The following GRXCR1 variants were observed in gnomAD, a reference collection of about 807,000 sequenced individuals.
The protein encoded by GRXCR1 is glutaredoxin and cysteine rich domain containing 1.
In GRXCR1, 27 loss-of-function variants were observed where a neutral mutation model predicts 27.3. The ratio of observed to expected loss-of-function variants is 0.99; its 90% CI spans 0.73 to 1.37. The LOEUF (loss-of-function observed/expected upper bound fraction) is 1.37. GRXCR1 is among the 40% of genes most tolerant of loss of function. The pLI is 0.00. For synonymous variants in GRXCR1, 122 were observed against 131.1 expected (o/e 0.93, Z 0.47); for missense variants, 379 against 354.4 (o/e 1.07, Z -0.56).
intron 2 of GRXCR1, among the ~76,000 whole-genome samples, chr4:42,997,735 A>G (rs1265624554): frequency 6.6e-6 from 1 of 152,134 alleles, no homozygotes; most frequent in East Asian, 1.9e-4. Flanking sequence ...AAGTTATTTA[A>G]AGCAGCCAAT....
intron 1 of GRXCR1, among the ~76,000 whole-genome samples, chr4:42,940,261 A>G (rs1217618838): frequency 6.6e-6 from 1 of 152,028 alleles, no homozygotes; most frequent in Non-Finnish European, 1.5e-5. Flanking sequence ...AGCTTATCAA[A>G]ATTACCATGT....
At chr4:42,987,248 A>ATATATAATATAT (rs370379241) in intron 2 of GRXCR1, among the ~76,000 whole-genome samples, 19 of 67,532 alleles carry the variant, frequency 2.8e-4, no homozygotes, top group African/African-American at 1.0e-3. Context: ...TATAATATAT[A>ATATATAATATAT]ATATATATAT....
intron 1 of GRXCR1, among the ~76,000 whole-genome samples, chr4:42,896,919 A>G (rs1746358907): frequency 1.3e-5 from 2 of 152,078 alleles, no homozygotes; most frequent in Admixed American, 1.3e-4. Flanking sequence ...GAATATTCAA[A>G]TTTATCAGTT....
intron 1 of GRXCR1, among the ~76,000 whole-genome samples, chr4:42,919,467 TA>T (rs1287829100): frequency 2.0e-5 from 3 of 152,182 alleles, no homozygotes; most frequent in Non-Finnish European, 4.4e-5. Flanking sequence ...ACTTTTGCTT[TA>T]CATTTTATAA....
chr4:43,010,150 C>T (rs1712699232), intron 2 of GRXCR1, among the ~76,000 whole-genome samples: 1 of 152,036 alleles, frequency 6.6e-6, no homozygotes, highest in Admixed American at 6.6e-5. Context: ...GCCTGTAATC[C>T]CAGCACTTTG....
intron 3 of GRXCR1, among the ~76,000 whole-genome samples, chr4:43,027,447 T>C (rs2109810893): frequency 6.6e-6 from 1 of 152,348 alleles, no homozygotes; most frequent in East Asian, 1.9e-4. Context: ...TATTAGTGAA[T>C]TTAACATTTG....
chr4:42,929,095 A>C lies in GRXCR1; in HGVS notation c.385-33797A>C, dbSNP rs576719220. On this transcript the variant is annotated intron_variant, in intron 1 of 3. Coordinates refer to ENST00000399770, the MANE Select transcript of GRXCR1 (RefSeq NM_001080476.3). ...TGCAAAAATTGCACACCTGGACTTA[A>C]CATCTGGGTTCTGGATATAATTTCT... is the stretch of plus-strand genomic sequence containing the variant. Among the ~76,000 whole-genome samples, 4 of 152,112 alleles carry C rather than the reference A, an allele frequency of 2.6e-5. No individual in the cohort carries two copies. In the South Asian group the frequency reaches 8.3e-4, roughly 32 times the overall value.
intron 1 of GRXCR1, among the ~76,000 whole-genome samples, chr4:42,935,302 C>G (rs1264852775): frequency 6.6e-6 from 1 of 151,796 alleles, no homozygotes; most frequent in Admixed American, 6.6e-5. Flanking sequence ...ATAGGAAAAA[C>G]AACACCAAAT....
At chr4:42,944,556 A>G (rs549176262) in intron 1 of GRXCR1, among the ~76,000 whole-genome samples, 1 of 152,206 alleles carries the variant, frequency 6.6e-6, no homozygotes, top group South Asian at 2.1e-4. Context: ...GCTGGGTGGC[A>G]TGGATATGTA....
At chr4:42,933,155 A>G (rs747080) in intron 1 of GRXCR1, among the ~76,000 whole-genome samples, 21,176 of 151,986 alleles carry the variant, frequency 0.14, 1,593 homozygotes, top group Non-Finnish European at 0.16. Flanking sequence ...AAATCAGGAC[A>G]CATCCCATGT....
chr4:42,938,411 T>C (rs140500750), intron 1 of GRXCR1, among the ~76,000 whole-genome samples: 1 of 152,130 alleles, frequency 6.6e-6, no homozygotes, highest in East Asian at 1.9e-4. Context: ...AATACCTCTT[T>C]GATATACAGA....
chr4:42,914,219 T>A (rs1183665304), intron 1 of GRXCR1, among the ~76,000 whole-genome samples: 1 of 152,142 alleles, frequency 6.6e-6, no homozygotes, highest in East Asian at 1.9e-4. Flanking sequence ...TCTTACACCC[T>A]GCACCTGGAA....
chr4:43,016,393 CTAAAGATAAAAACT>C (rs1237320786), intron 2 of GRXCR1, among the ~76,000 whole-genome samples: 1 of 152,102 alleles, frequency 6.6e-6, no homozygotes, highest in Non-Finnish European at 1.5e-5. Context: ...GCTATTCTTG[CTAAAGATAAAAACT>C]TAATGATTGT....
rs1446581093 is a variant in GRXCR1 at position 42,923,714 on chromosome 4, ATCC to A, written c.384+30067_384+30069del. Among the ~76,000 whole-genome samples, 77 of 152,004 alleles carry A rather than the reference ATCC, an allele frequency of 5.1e-4. 1 individual carries two copies. Among genetic ancestry groups the A allele is most frequent in the Non-Finnish European group, 2.9e-4 (20 of 67,956 alleles). On this transcript the variant is annotated intron_variant, in intron 1 of 3. Transcript: ENST00000399770. ...CACACAGTATTCCCACAAAAACCAAATCCTCAAAAAATATCCAAGGATGCTTCA... is the reference window on the plus strand; with the variant it reads ...CACACAGTATTCCCACAAAAACCAAATCAAAAAATATCCAAGGATGCTTCA...
chr4:43,004,189 G>A (rs1257305240), intron 2 of GRXCR1, among the ~76,000 whole-genome samples: 1 of 152,260 alleles, frequency 6.6e-6, no homozygotes, highest in Non-Finnish European at 1.5e-5. Flanking sequence ...TAAGCCTCAA[G>A]CCTTGGTGGC....
chr4:42,981,206 A>G lies in GRXCR1; in HGVS notation c.627+18072A>G, dbSNP rs146918087. ...TTTTCTTTTTGCTTTTTACTTTCTT[A>G]TGTCTCTACTATGCTATGCTTTGTA... is the stretch of plus-strand genomic sequence containing the variant. On this transcript the variant is annotated intron_variant, in intron 2 of 3. Transcript: ENST00000399770. Among the ~76,000 whole-genome samples the G allele has an allele frequency of 4.2e-3, 488 of 116,670 alleles. 5 individuals carry two copies. The highest frequency in any genetic ancestry group is 0.013 in the African/African-American group (408 of 31,772). The allele number at this position is 116,670 out of a possible 152,430, so 76.5% of individuals were successfully genotyped here.
chr4:42,989,649 A>G (rs1395936082), intron 2 of GRXCR1, among the ~76,000 whole-genome samples: 1 of 152,108 alleles, frequency 6.6e-6, no homozygotes, highest in African/African-American at 2.4e-5. Flanking sequence ...CACTTACATC[A>G]AGCATATCAG....
chr4:42,910,384 C>T (rs770142852), intron 1 of GRXCR1, among the ~76,000 whole-genome samples: 48 of 152,284 alleles, frequency 3.2e-4, no homozygotes, highest in Non-Finnish European at 5.4e-4. Context: ...GAATGACTTT[C>T]AGAATCTACA....
intron 3 of GRXCR1, among the ~76,000 whole-genome samples, chr4:43,025,273 C>T (rs1313263619): frequency 6.6e-6 from 1 of 152,116 alleles, no homozygotes; most frequent in African/African-American, 2.4e-5. Flanking sequence ...ATGGAGCAGA[C>T]CTATCCAAGA....
Sources: allele counts gnomAD v4.1 joint callset (sites outside exome capture counted in the v4.1 genomes callset), GRCh38; gene constraint gnomAD v4.1.1; transcripts MANE v1.5; gene names NCBI Gene and HGNC (gene_info 2026-07-23, HGNC 2026-07-21).